The following NCOA3 variants were observed in gnomAD, a reference collection of about 807,000 sequenced individuals.
NCOA3 encodes the protein CBP-interacting protein.
Under a neutral mutation model 158.8 loss-of-function variants are expected in NCOA3, and 51 were observed. The ratio of observed to expected loss-of-function variants is 0.32; its 90% confidence interval spans 0.26 to 0.41. The LOEUF is 0.41. Among genes scored for constraint, NCOA3 ranks in the 10% least tolerant of loss-of-function variants. The probability of loss-of-function intolerance (pLI) is 1.00; values close to 1 mark genes in which losing one functional copy is unlikely to be tolerated. For missense variants in NCOA3, 1,510 were observed against 1,746.6 expected (o/e 0.86, Z 2.41); for synonymous variants, 537 against 592.4 (o/e 0.91, Z 1.36).
chr20:47,592,149 TCTC>T (rs1301683065), intron 2 of NCOA3, among the ~76,000 whole-genome samples: 1 of 152,166 alleles, frequency 6.6e-6, no homozygotes, highest in Non-Finnish European at 1.5e-5. Flanking sequence ...TTCAAGCAAT[TCTC>T]CTGCCTCAGC....
chr20:47,521,918 C>G (rs914214401), intron 1 of NCOA3, among the ~76,000 whole-genome samples: 13 of 151,986 alleles, frequency 8.6e-5, no homozygotes, highest in African/African-American at 3.1e-4. Context: ...CAGCTTATTT[C>G]TGTGAAATTT....
intron 2 of NCOA3, among the ~76,000 whole-genome samples, chr20:47,615,615 A>G (rs1316761557): frequency 1.3e-5 from 2 of 152,182 alleles, no homozygotes; most frequent in Non-Finnish European, 1.5e-5. Flanking sequence ...TAGTTATTCC[A>G]TGAAAGTTCA....
At position 47,558,920 on chromosome 20, in the gene NCOA3, A is replaced by C. The variant is rs1321861294; in HGVS notation, c.-98-24263A>C. Among the ~76,000 whole-genome samples the C allele has an allele frequency of 3.3e-5, 5 of 149,758 alleles. No homozygotes were observed. In the East Asian group the frequency reaches 9.8e-4, roughly 29 times the overall value. On this transcript the variant is annotated intron_variant, in intron 1 of 22. Coordinates refer to ENST00000371998, the MANE Select transcript of NCOA3 (RefSeq NM_181659.3). ...GAAGTTATGCACGACATCTGGACAC[A>C]GTTTTCTCCAGCAGGAATTTATTGT...
At chr20:47,507,544 C>T (rs182905757) in intron 1 of NCOA3, among the ~76,000 whole-genome samples, 1 of 152,250 alleles carries the variant, frequency 6.6e-6, no homozygotes, top group Admixed American at 6.5e-5. Context: ...TTAATTTTTT[C>T]TGTCCCCAAC....
chr20:47,595,128 T>G (rs1228159173), intron 2 of NCOA3, among the ~76,000 whole-genome samples: 3 of 141,946 alleles, frequency 2.1e-5, no homozygotes, highest in Non-Finnish European at 4.5e-5. Context: ...AAAGACACTC[T>G]CACTCTGTCA....
intron 2 of NCOA3, among the ~76,000 whole-genome samples, chr20:47,589,856 A>G (rs1178667911): frequency 6.6e-6 from 1 of 151,820 alleles, no homozygotes; most frequent in Non-Finnish European, 1.5e-5. Context: ...CCATCTGTGA[A>G]GCTAGTCCCT....
chr20:47,610,908 A>G (rs959846832), intron 2 of NCOA3, among the ~76,000 whole-genome samples: 4 of 152,174 alleles, frequency 2.6e-5, no homozygotes, highest in African/African-American at 4.8e-5. Context: ...CTTTAGTACT[A>G]TAGTGGGAAG....
intron 1 of NCOA3, among the ~76,000 whole-genome samples, chr20:47,507,610 T>C (rs187116518): frequency 6.6e-6 from 1 of 151,602 alleles, no homozygotes. Flanking sequence ...CCAACAACTT[T>C]TTGTTGTTGT....
chr20:47,579,160 A>G lies in NCOA3; in HGVS notation c.-98-4023A>G, dbSNP rs111267996. 1.4e-3 allele frequency among the ~76,000 whole-genome samples: 212 copies of G among 152,276 alleles called. 2 individuals are homozygous for G. The highest frequency in any genetic ancestry group is 4.9e-3 in the African/African-American group (204 of 41,548). ...GGCTTAAAATAAAAACCTAAAACTAAAACAGGGGCCATGTTGTCCAAGATG... is the reference window on the plus strand; with the variant it reads ...GGCTTAAAATAAAAACCTAAAACTAGAACAGGGGCCATGTTGTCCAAGATG... On this transcript the variant is annotated intron_variant, in intron 1 of 22. Coordinates refer to ENST00000371998, the MANE Select transcript of NCOA3 (RefSeq NM_181659.3).
chr20:47,526,478 A>T (rs2084452128), intron 1 of NCOA3, among the ~76,000 whole-genome samples: 1 of 152,218 alleles, frequency 6.6e-6, no homozygotes, highest in African/African-American at 2.4e-5. Context: ...ACCATTGAGC[A>T]CTGAGTGAAC....
intron 12 of NCOA3, among the ~76,000 whole-genome samples, chr20:47,637,317 G>T (rs1169738555): frequency 6.6e-6 from 1 of 152,104 alleles, no homozygotes; most frequent in Non-Finnish European, 1.5e-5. Context: ...ATTTTCAGAA[G>T]GTTTGTGTAG....
chr20:47,612,409 A>G (rs2086059813), intron 2 of NCOA3, among the ~76,000 whole-genome samples: 1 of 152,156 alleles, frequency 6.6e-6, no homozygotes, highest in Non-Finnish European at 1.5e-5. Flanking sequence ...AGAAGGGAAA[A>G]CTTTTGTCTA....
At chr20:47,527,458 A>ATT (rs1357950137) in intron 1 of NCOA3, among the ~76,000 whole-genome samples, 10 of 152,008 alleles carry the variant, frequency 6.6e-5, no homozygotes, top group Non-Finnish European at 1.3e-4. Flanking sequence ...ATGTTGTTGC[A>ATT]TATATGAGTT....
chr20:47,511,560 T>TATATATATATC (rs1569310982), intron 1 of NCOA3, among the ~76,000 whole-genome samples: 1 of 5,516 alleles, frequency 1.8e-4, no homozygotes, highest in Non-Finnish European at 1.3e-3. Context: ...TATATATTTC[T>TATATATATATC]TTTTTTTTTT....
intron 1 of NCOA3, among the ~76,000 whole-genome samples, chr20:47,519,347 G>A (rs2084288606): frequency 6.6e-6 from 1 of 151,426 alleles, no homozygotes. Context: ...CCGGAGAATT[G>A]CTTGAACCTG....
chr20:47,543,963 CAA>C (rs2084785709), intron 1 of NCOA3, among the ~76,000 whole-genome samples: 1 of 151,638 alleles, frequency 6.6e-6, no homozygotes. Flanking sequence ...TTTTTTTTCT[CAA>C]AGTTTAAAAA....
chr20:47,624,114 G>T (rs2086284839), intron 4 of NCOA3, 31 bp downstream of exon 4: 1 of 1,569,690 alleles, frequency 6.4e-7, no homozygotes, highest in Admixed American at 1.9e-5. Context: ...TTTTTGAACA[G>T]TGGTGGTTCC....
intron 1 of NCOA3, among the ~76,000 whole-genome samples, chr20:47,542,214 T>G (rs1422404867): frequency 6.6e-6 from 1 of 151,414 alleles, no homozygotes; most frequent in Non-Finnish European, 1.5e-5. Flanking sequence ...TTTTTTTTTT[T>G]TTTTGGTGGA....
chr20:47,567,884 T>C (rs2085224771), intron 1 of NCOA3, among the ~76,000 whole-genome samples: 1 of 152,020 alleles, frequency 6.6e-6, no homozygotes, highest in Non-Finnish European at 1.5e-5. Context: ...TATTTTACTT[T>C]CTTTTTGTAG....
Sources: allele counts gnomAD v4.1 joint callset (sites outside exome capture counted in the v4.1 genomes callset), GRCh38; gene constraint gnomAD v4.1.1; transcripts MANE v1.5; gene names NCBI Gene and HGNC (gene_info 2026-07-23, HGNC 2026-07-21).